The following ITFG1 variants were observed in gnomAD, a reference collection of about 807,000 sequenced individuals.
The protein encoded by ITFG1 is integrin alpha FG-GAP repeat containing 1.
In ITFG1, 34 loss-of-function variants were observed where a neutral mutation model predicts 81.8. The ratio of observed to expected loss-of-function variants is 0.42; its 90% CI spans 0.32 to 0.55. ITFG1 has a LOEUF of 0.55. Among genes scored for constraint, ITFG1 ranks in the 20% least tolerant of loss-of-function variants. The pLI is 0.17. For missense variants in ITFG1, 672 were observed against 755.4 expected, an observed-to-expected ratio of 0.89 and a Z score of 1.29; for synonymous variants, 285 against 270.6, an observed-to-expected ratio of 1.05 and a Z score of -0.52.
chr16:47,388,687 C>T (rs1309991424), intron 6 of ITFG1, among the ~76,000 whole-genome samples: 1 of 152,162 alleles, frequency 6.6e-6, no homozygotes, highest in Non-Finnish European at 1.5e-5. Context: ...AGCAGACTCA[C>T]CTTGAAGAAG....
chr16:47,271,845 C>T (rs1016355595), intron 10 of ITFG1, among the ~76,000 whole-genome samples: 3 of 152,226 alleles, frequency 2.0e-5, no homozygotes, highest in East Asian at 3.9e-4. Flanking sequence ...GGCGACAGAG[C>T]GAGATTCCAT....
At chr16:47,319,073 T>C (rs1967408906) in intron 8 of ITFG1, among the ~76,000 whole-genome samples, 1 of 151,924 alleles carries the variant, frequency 6.6e-6, no homozygotes, top group African/African-American at 2.4e-5. Context: ...ATGCTTCATA[T>C]CCATCTATGC....
At chr16:47,275,543 T>G (rs1377126082) in intron 10 of ITFG1, among the ~76,000 whole-genome samples, 2 of 152,186 alleles carry the variant, frequency 1.3e-5, no homozygotes, top group Non-Finnish European at 2.9e-5. Context: ...ACTGCATGCT[T>G]GACATGCTGT....
At chr16:47,335,834 A>T (rs1182213725) in intron 8 of ITFG1, among the ~76,000 whole-genome samples, 1 of 152,222 alleles carries the variant, frequency 6.6e-6, no homozygotes, top group Non-Finnish European at 1.5e-5. Context: ...TACACTTATC[A>T]TATTGATCTG....
chr16:47,212,486 G>C (rs2151524654), intron 14 of ITFG1, among the ~76,000 whole-genome samples: 1 of 152,248 alleles, frequency 6.6e-6, no homozygotes, highest in East Asian at 1.9e-4. Context: ...CAAAGTGCTG[G>C]GATTACAGGC....
rs1038394713 is a variant in ITFG1 at position 47,155,556 on chromosome 16, C to T, written c.*163G>A. The T allele has an allele frequency of 5.6e-6, 3 of 532,706 alleles. No homozygotes were observed. Among genetic ancestry groups the T allele is most frequent in the Admixed American group, 6.8e-5 (2 of 29,396 alleles). 33.0% of individuals were successfully genotyped at this position (532,706 alleles called of 1,614,324 possible). A position where few individuals can be genotyped will look rare whatever the true frequency, so the allele number is the denominator to read the frequency against. ...TACAAAGTGCTTTAAAAAAAAAGACCTTGTGACATATTCAAACCATATTTA... is the reference window on the plus strand; with the variant it reads ...TACAAAGTGCTTTAAAAAAAAAGACTTTGTGACATATTCAAACCATATTTA... On this transcript the variant is annotated 3_prime_UTR_variant, in exon 18 of 18. Coordinates refer to ENST00000320640, the MANE Select transcript of ITFG1 (RefSeq NM_030790.5).
At chr16:47,260,414 G>C (rs1388595272) in intron 11 of ITFG1, 131 bp downstream of exon 11, 3 of 892,346 alleles carry the variant, frequency 3.4e-6, no homozygotes, top group Non-Finnish European at 5.2e-6. Flanking sequence ...ACATTAAAAG[G>C]GGCTTTCCTT....
chr16:47,336,518 A>C (rs761096265), intron 8 of ITFG1, among the ~76,000 whole-genome samples: 5 of 152,180 alleles, frequency 3.3e-5, no homozygotes, highest in Non-Finnish European at 5.9e-5. Context: ...AAGGTGCTTG[A>C]TTCTCTTTTG....
chr16:47,207,827 C>T (rs1472571689), intron 14 of ITFG1, among the ~76,000 whole-genome samples: 1 of 122,760 alleles, frequency 8.1e-6, no homozygotes, highest in African/African-American at 3.1e-5. Flanking sequence ...TTGAGAGCAA[C>T]AACATTATCT....
chr16:47,366,480 A>G (rs192247173), intron 7 of ITFG1, among the ~76,000 whole-genome samples: 2 of 152,200 alleles, frequency 1.3e-5, no homozygotes, highest in African/African-American at 2.4e-5. Context: ...TGCCTAAGCT[A>G]AATAGAAAAG....
In ITFG1 at chr16:47,355,258, G is replaced by C. The variant is rs533770645; in HGVS notation, c.802+10530C>G. On this transcript the variant is annotated intron_variant, in intron 8 of 17. Coordinates refer to ENST00000320640, the MANE Select transcript of ITFG1 (RefSeq NM_030790.5). ...ATTTACGACAACATGGATGAACCTGGAGGTCATTATGTCAAGTGAAATAAG... is the reference window on the plus strand; with the variant it reads ...ATTTACGACAACATGGATGAACCTGCAGGTCATTATGTCAAGTGAAATAAG... Among the ~76,000 whole-genome samples the C allele has an allele frequency of 3.6e-3, 555 of 152,246 alleles. 5 individuals carry two copies. The highest frequency in any genetic ancestry group is 5.8e-3 in the Non-Finnish European group (395 of 67,992).
At chr16:47,181,606 G>C (rs1371766488) in intron 14 of ITFG1, among the ~76,000 whole-genome samples, 1 of 151,236 alleles carries the variant, frequency 6.6e-6, no homozygotes. Context: ...AGGGAGGTGA[G>C]GGGCGCCTCT....
chr16:47,340,394 T>C (rs1411907479), intron 8 of ITFG1, among the ~76,000 whole-genome samples: 4 of 152,120 alleles, frequency 2.6e-5, no homozygotes, highest in Non-Finnish European at 5.9e-5. Context: ...ATCAATAACA[T>C]AAACAGGAAT....
chr16:47,186,441 C>G (rs1269425605), intron 14 of ITFG1, among the ~76,000 whole-genome samples: 1 of 152,178 alleles, frequency 6.6e-6, no homozygotes, highest in Non-Finnish European at 1.5e-5. Flanking sequence ...CCCTGGGATG[C>G]AAGGCTGGTT....
rs1465695154 is a variant in ITFG1, at chr16:47,187,911, T to G, written c.1454-25247A>C. On this transcript the variant is annotated intron_variant, in intron 14 of 17. Transcript: ENST00000320640. ...AATCTACAATGAACTCAAACAAATT[T>G]ACAAGAAAAAAACAAACAACCACAT... is the stretch of plus-strand genomic sequence containing the variant. 4.0e-5 allele frequency among the ~76,000 whole-genome samples: 6 copies of G among 151,458 alleles called. No individual in the cohort carries two copies. The South Asian group carries it at 6.3e-4, about 16-fold the overall frequency.
chr16:47,157,864 C>G (rs1964739467), intron 17 of ITFG1, among the ~76,000 whole-genome samples: 1 of 152,122 alleles, frequency 6.6e-6, no homozygotes, highest in South Asian at 2.1e-4. Context: ...TCTTTGGGGC[C>G]ACAAAGCAGC....
intron 8 of ITFG1, among the ~76,000 whole-genome samples, chr16:47,349,598 C>T (rs928344672): frequency 7.2e-5 from 11 of 152,130 alleles, no homozygotes; most frequent in African/African-American, 2.7e-4. Context: ...TAGACTCCCA[C>T]ACAATAATAA....
intron 8 of ITFG1, among the ~76,000 whole-genome samples, chr16:47,347,904 A>G (rs1245009030): frequency 6.6e-6 from 1 of 152,210 alleles, no homozygotes; most frequent in Non-Finnish European, 1.5e-5. Context: ...GCTGTTCAGC[A>G]ACATTCACTG....
At chr16:47,349,701 C>A (rs1450466879) in intron 8 of ITFG1, among the ~76,000 whole-genome samples, 1 of 152,150 alleles carries the variant, frequency 6.6e-6, no homozygotes, top group African/African-American at 2.4e-5. Flanking sequence ...AGCTCTGGAC[C>A]AAGCAGACCT....
Sources: allele counts gnomAD v4.1 joint callset (sites outside exome capture counted in the v4.1 genomes callset), GRCh38; gene constraint gnomAD v4.1.1; transcripts MANE v1.5; gene names NCBI Gene and HGNC (gene_info 2026-07-23, HGNC 2026-07-21).